Variants in SRGAP3 observed in about 807,000 individuals in gnomAD.
SRGAP3 encodes the protein SLIT-ROBO Rho GTPase-activating protein 3.
A neutral mutation model predicts 121.1 loss-of-function variants in SRGAP3; 39 were observed. The ratio of observed to expected loss-of-function variants is 0.32; its 90% CI spans 0.25 to 0.42. The LOEUF (loss-of-function observed/expected upper bound fraction) is 0.42. SRGAP3 is among the 10% of genes least tolerant of loss of function. The probability of loss-of-function intolerance (pLI) is 1.00; values close to 1 mark genes in which losing one functional copy is unlikely to be tolerated. For missense variants in SRGAP3, 1,213 were observed against 1,470.6 expected, an observed-to-expected ratio of 0.82 and a Z score of 2.86; for synonymous variants, 601 against 570.0, an observed-to-expected ratio of 1.05 and a Z score of -0.77.
intron 2 of SRGAP3, among the ~76,000 whole-genome samples, chr3:9,116,104 C>T (rs1453110522): frequency 6.6e-6 from 1 of 152,092 alleles, no homozygotes; most frequent in East Asian, 1.9e-4. Flanking sequence ...TCCATATTAC[C>T]GAAATGACAC....
At chr3:9,101,737 T>C (rs1948223964) in intron 3 of SRGAP3, among the ~76,000 whole-genome samples, 1 of 152,172 alleles carries the variant, frequency 6.6e-6, no homozygotes, top group African/African-American at 2.4e-5. Context: ...AAGGTCCCTT[T>C]TTCTCTTAAA....
At chr3:9,313,535 C>CA (rs1360291456) in intron 3 of SRGAP3, among the ~76,000 whole-genome samples, 1 of 147,788 alleles carries the variant, frequency 6.8e-6, no homozygotes, top group Non-Finnish European at 1.5e-5. Flanking sequence ...CTAAAAAATA[C>CA]AAAAAATCAG....
chr3:9,140,122 TACACACACACAC>T (rs35572227), intron 1 of SRGAP3, among the ~76,000 whole-genome samples: 1,896 of 140,120 alleles, frequency 0.014, 45 homozygotes, highest in African/African-American at 0.044. Flanking sequence ...CTCAGAGGCA[TACACACACACAC>T]ACACACACAC....
intron 7 of SRGAP3, 118 bp from the exon 8 acceptor site, chr3:9,056,452 G>T (rs538056272): frequency 1.7e-5 from 18 of 1,080,316 alleles, no homozygotes; most frequent in Non-Finnish European, 2.3e-5. Flanking sequence ...GGCTCGGAAA[G>T]GTTGAGTGAC....
chr3:9,157,643 G>C (rs1240085003), intron 1 of SRGAP3, among the ~76,000 whole-genome samples: 2 of 152,172 alleles, frequency 1.3e-5, no homozygotes, highest in Non-Finnish European at 2.9e-5. Context: ...AGTAATGATA[G>C]AGTCTGTCCC....
chr3:9,011,206 G>A (rs567472181), intron 17 of SRGAP3, among the ~76,000 whole-genome samples: 1 of 152,256 alleles, frequency 6.6e-6, no homozygotes, highest in East Asian at 1.9e-4. Flanking sequence ...CATTAAATAA[G>A]ACAGTTGCAA....
At chr3:9,042,289 C>G (rs986294494) in intron 10 of SRGAP3, among the ~76,000 whole-genome samples, 1 of 151,982 alleles carries the variant, frequency 6.6e-6, no homozygotes, top group Non-Finnish European at 1.5e-5. Context: ...TTTGCACATC[C>G]CAATTCAGAC....
intron 1 of SRGAP3, among the ~76,000 whole-genome samples, chr3:9,141,551 GGGGTGTGTGTGTGTGTGT>G (rs1381664856): frequency 6.0e-5 from 7 of 117,596 alleles, no homozygotes; most frequent in African/African-American, 2.8e-4. Context: ...TCTGACTTCA[GGGGTGTGTGTGTGTGTGT>G]GTGTGTGTGT....
chr3:9,184,045 A>G (rs889509248), intron 1 of SRGAP3, among the ~76,000 whole-genome samples: 3 of 152,042 alleles, frequency 2.0e-5, no homozygotes, highest in African/African-American at 4.8e-5. Context: ...GGGCCCTTTG[A>G]AAAAAATACT....
Position 9,124,900 on chromosome 3 carries a change from C to T in SRGAP3, c.85G>A (p.Val29Met), listed in dbSNP as rs758150937. The T allele has an allele frequency of 1.4e-5, 23 of 1,614,056 alleles. No homozygotes were observed. The highest frequency in any genetic ancestry group is 3.3e-5 in the South Asian group (3 of 91,086). Reference protein sequence around the residue: ...AQIKEIRTQLVEQFKCLEQQS... With the variant: ...AQIKEIRTQLMEQFKCLEQQS... Reference sequence around the variant, plus strand: ...TGCTCCAGACATTTGAACTGCTCCACCAGCTGCGTGCGGATCTCTGCGGGC... The same window carrying T: ...TGCTCCAGACATTTGAACTGCTCCATCAGCTGCGTGCGGATCTCTGCGGGC... Residue 29 changes from valine (V) to methionine (M), a missense_variant, in exon 2 of 22, where the codon GTG becomes ATG. By Grantham distance (21) the Val-to-Met change is conservative (BLOSUM62 1). Around this residue, in one of 2 missense-constraint regions of SRGAP3, gnomAD observed 793 missense variants for 1,032.9 expected, o/e 0.77. Transcript: ENST00000383836.
At chr3:8,994,781 C>G (rs1485528843) in intron 18 of SRGAP3, among the ~76,000 whole-genome samples, 1 of 152,164 alleles carries the variant, frequency 6.6e-6, no homozygotes, top group African/African-American at 2.4e-5. Flanking sequence ...TTTCCACTGC[C>G]CTTCTTGTTC....
chr3:9,030,855 T>G (rs529894026), intron 12 of SRGAP3, among the ~76,000 whole-genome samples: 4 of 152,224 alleles, frequency 2.6e-5, no homozygotes, highest in Non-Finnish European at 2.9e-5. Context: ...TAATTCCTTC[T>G]GTCCTTTCAT....
chr3:9,230,328 T>C (rs570230533), intron 1 of SRGAP3, among the ~76,000 whole-genome samples: 5 of 152,190 alleles, frequency 3.3e-5, no homozygotes, highest in Non-Finnish European at 5.9e-5. Flanking sequence ...AACAACTGTG[T>C]TCCCAATTAC....
intron 10 of SRGAP3, among the ~76,000 whole-genome samples, chr3:9,043,066 C>CAA (rs1488031052): frequency 8.5e-5 from 13 of 152,264 alleles, no homozygotes; most frequent in Middle Eastern, 6.8e-3. Context: ...AAGCAGGTCC[C>CAA]CCCCATCTCT....
At chr3:9,172,605 A>G (rs1467186523) in intron 1 of SRGAP3, among the ~76,000 whole-genome samples, 1 of 152,150 alleles carries the variant, frequency 6.6e-6, no homozygotes, top group African/African-American at 2.4e-5. Flanking sequence ...GTTGTCTCTC[A>G]TCTGTTTCCA....
At chr3:9,123,732 A>ATATGTGTGTGTGTGTG (rs1949109706) in intron 2 of SRGAP3, among the ~76,000 whole-genome samples, 1 of 139,074 alleles carries the variant, frequency 7.2e-6, no homozygotes, top group African/African-American at 2.9e-5. Flanking sequence ...ATATGTATAT[A>ATATGTGTGTGTGTGTG]TGTGTGTGTG....
chr3:9,097,118 G>C (rs1348987229), intron 3 of SRGAP3, among the ~76,000 whole-genome samples: 1 of 151,134 alleles, frequency 6.6e-6, no homozygotes, highest in African/African-American at 2.4e-5. Context: ...AGCCTTGCAA[G>C]TAGCTTGGAC....
rs1189427556 is a variant in SRGAP3 at position 9,058,436 on chromosome 3, T to C, written c.838A>G (p.Thr280Ala). Residue 280 changes from threonine (T) to alanine (A), a missense_variant, in exon 7 of 22, where the codon ACC becomes GCC. By Grantham distance (58) the Thr-to-Ala change is moderately conservative. This residue lies in a region of SRGAP3 where 793 missense variants were observed against 1,032.9 expected (regional missense o/e 0.77). Transcript: ENST00000383836. ...DLGFHASLAR[T>A]FRTYLSAEYN... Reference sequence around the variant, plus strand: ...TCAGCTGAGAGATAGGTCCGGAAGGTGCGGGCCAGGCTGGCATGGAAGCCC... The same window carrying C: ...TCAGCTGAGAGATAGGTCCGGAAGGCGCGGGCCAGGCTGGCATGGAAGCCC... 2.5e-6 allele frequency: 4 copies of C among 1,613,956 alleles called. No homozygotes were observed. In the South Asian group the frequency reaches 3.3e-5, roughly 13 times the overall value.
rs1206056887 is a variant in SRGAP3, at chr3:9,354,140, G to A, written n.214+8700C>T. On this transcript the variant is annotated intron_variant and non_coding_transcript_variant, in intron 1 of 3. Transcript: ENST00000490889. The stretch of plus-strand genomic sequence containing the variant: ...GGCAGAAGAAGGAAGGGGGCGACAG[G>A]ATGGTGGTAATGTTAATAGGCTAAA... Among the ~76,000 whole-genome samples the A allele has an allele frequency of 3.9e-5, 6 of 152,142 alleles. No homozygotes were observed. The South Asian group carries it at 6.2e-4, about 16-fold the overall frequency.
Sources: gnomAD v4.1 joint callset for allele counts (sites outside exome capture counted in the v4.1 genomes callset) on GRCh38, gnomAD v4.1.1 for gene constraint, gnomAD v4.1.1 regional missense constraint, MANE v1.5 for transcripts, NCBI Gene and HGNC (gene_info 2026-07-23, HGNC 2026-07-21) for gene names.